CTDP1: variants seen among roughly 807,000 people sequenced by gnomAD.
The protein encoded by CTDP1 is CTD phosphatase 1, also known as RNA polymerase II subunit A C-terminal domain phosphatase.
In CTDP1, 47 loss-of-function variants were observed where a neutral mutation model predicts 91.8. That is an observed-to-expected ratio of 0.51 (90% CI 0.41 to 0.65). The LOEUF (loss-of-function observed/expected upper bound fraction) is 0.65. Among genes scored for constraint, CTDP1 ranks in the 30% least tolerant of loss-of-function variants. The probability of loss-of-function intolerance (pLI) is 0.00; values close to 1 mark genes in which losing one functional copy is unlikely to be tolerated. For synonymous variants in CTDP1, 656 were observed against 598.5 expected, an observed-to-expected ratio of 1.10 and a Z score of -1.40; for missense variants, 1,272 against 1,373.7, an observed-to-expected ratio of 0.93 and a Z score of 1.17.
chr18:79,698,153 G>T (rs1298769496), intron 4 of CTDP1, among the ~76,000 whole-genome samples, 165 bp downstream of exon 4: 1 of 152,258 alleles, frequency 6.6e-6, no homozygotes, highest in Non-Finnish European at 1.5e-5. Flanking sequence ...CTGCTGGGCT[G>T]TTGGGGAGCA....
chr18:79,740,664 C>T (rs935321954), intron 12 of CTDP1, among the ~76,000 whole-genome samples: 1 of 152,172 alleles, frequency 6.6e-6, no homozygotes, highest in Admixed American at 6.5e-5. Context: ...TTCGCATGGC[C>T]AAGCTGTTCC....
At chr18:79,741,697 C>T (rs144703391) in intron 12 of CTDP1, among the ~76,000 whole-genome samples, 328 of 152,332 alleles carry the variant, frequency 2.2e-3, no homozygotes, top group African/African-American at 7.0e-3. Flanking sequence ...GGTCAGCCTG[C>T]GTGGGAGACA....
intron 10 of CTDP1, among the ~76,000 whole-genome samples, chr18:79,723,081 C>A (rs1202838285): frequency 1.3e-5 from 2 of 152,230 alleles, no homozygotes; most frequent in Non-Finnish European, 2.9e-5. Flanking sequence ...CAGGACCACT[C>A]CACCTGTATA....
intron 12 of CTDP1, among the ~76,000 whole-genome samples, chr18:79,741,530 C>G (rs1301942024): frequency 6.6e-6 from 1 of 152,230 alleles, no homozygotes; most frequent in African/African-American, 2.4e-5. Flanking sequence ...TGATGGCTCC[C>G]TAAGTACTTG....
In CTDP1 at chr18:79,713,631, T is replaced by A. The variant is rs1420842677; in HGVS notation, c.1030+493T>A. The stretch of plus-strand genomic sequence containing the variant: ...CACCCTACGAAAGTTAAGTGTTTTT[T>A]GATCTTTAGTTTTTTGAAAAATATT... On this transcript the variant is annotated intron_variant, in intron 7 of 12. Coordinates refer to ENST00000613122, the MANE Select transcript of CTDP1 (RefSeq NM_004715.5). This position sits in a 1 kb window ranked among gnomAD's most constrained non-coding sequence, Gnocchi z 4.7. Among the ~76,000 whole-genome samples, 4 of 152,246 alleles carry A rather than the reference T, an allele frequency of 2.6e-5. No individual in the cohort carries two copies. The highest frequency in any genetic ancestry group is 4.4e-5 in the Non-Finnish European group (3 of 68,044).
intron 1 of CTDP1, among the ~76,000 whole-genome samples, chr18:79,690,461 G>GT (rs1450973549): frequency 6.6e-6 from 1 of 152,160 alleles, no homozygotes; most frequent in Non-Finnish European, 1.5e-5. Flanking sequence ...GTGTTTTTAC[G>GT]TTTGTGTATC....
intron 12 of CTDP1, among the ~76,000 whole-genome samples, chr18:79,740,589 A>G (rs915216731): frequency 2.0e-5 from 3 of 152,330 alleles, no homozygotes; most frequent in African/African-American, 7.2e-5. Context: ...TGCGTTTCGT[A>G]CAGAAGCTGG....
At position 79,714,725 on chromosome 18, in the gene CTDP1, C is replaced by G; in HGVS notation, c.1265C>G (p.Ala422Gly). 3.1e-6 allele frequency: 5 copies of G among 1,603,748 alleles called. No individual in the cohort carries two copies. Among genetic ancestry groups the G allele is most frequent in the Non-Finnish European group, 4.3e-6 (5 of 1,175,824 alleles). ...APTSSQELAG[A>G]PEPQGSCAQG... is the part of the protein sequence containing the mutation. ...ACCAGCAGCCAAGAGCTGGCAGGCG[C>G]TCCTGAGCCCCAGGGATCCTGTGCG... The change falls in exon 8 of 13, where the codon GCT (alanine) becomes GGT (glycine). Residue 422 changes from alanine (A) to glycine (G), a missense_variant. Transcript: ENST00000613122.
chr18:79,747,688 G>A (rs1167002575), intron 12 of CTDP1, among the ~76,000 whole-genome samples: 2 of 152,202 alleles, frequency 1.3e-5, no homozygotes, highest in Admixed American at 6.5e-5. Flanking sequence ...CATGCGCAGC[G>A]CCTCCTGCAG....
intron 1 of CTDP1, among the ~76,000 whole-genome samples, chr18:79,686,785 T>C (rs2085503289): frequency 1.3e-5 from 2 of 152,206 alleles, no homozygotes; most frequent in South Asian, 2.1e-4. Context: ...AGTTCACTGG[T>C]GGGCCTGCAC....
At chr18:79,725,343 C>T (rs545966027) in intron 10 of CTDP1, among the ~76,000 whole-genome samples, 1 of 152,298 alleles carries the variant, frequency 6.6e-6, no homozygotes, top group South Asian at 2.1e-4. Flanking sequence ...CTTGCCCCTT[C>T]CTTTCACATA....
At chr18:79,747,146 A>G (rs2086898036) in intron 12 of CTDP1, among the ~76,000 whole-genome samples, 1 of 152,192 alleles carries the variant, frequency 6.6e-6, no homozygotes, top group Non-Finnish European at 1.5e-5. Context: ...TACACGAAGC[A>G]GCAATTCTTA....
rs184303749 is a variant in CTDP1, at chr18:79,693,500, T to C, written c.315-1725T>C. Among the ~76,000 whole-genome samples, 1,248 of 152,100 alleles carry C rather than the reference T, an allele frequency of 8.2e-3. 14 individuals carry two copies. Among genetic ancestry groups the C allele is most frequent in the African/African-American group, 0.028 (1,178 of 41,470 alleles). ...TATCCAAACTGCTTGGAAACAGAAG[T>C]GTTTTGGATTTCTGGGTTTTTTTGG... is the stretch of plus-strand genomic sequence containing the variant. On this transcript the variant is annotated intron_variant, in intron 1 of 12. Coordinates refer to ENST00000613122, the MANE Select transcript of CTDP1 (RefSeq NM_004715.5).
At chr18:79,688,968 T>G (rs1235476660) in intron 1 of CTDP1, among the ~76,000 whole-genome samples, 2 of 152,260 alleles carry the variant, frequency 1.3e-5, no homozygotes, top group African/African-American at 4.8e-5. Context: ...TCTTTCCCCA[T>G]GCACACGCAC....
intron 1 of CTDP1, among the ~76,000 whole-genome samples, chr18:79,682,824 C>T (rs1355687040): frequency 6.6e-6 from 1 of 152,098 alleles, no homozygotes; most frequent in Non-Finnish European, 1.5e-5. Flanking sequence ...TAGATTGTGC[C>T]GCTTTGTGAT....
rs111243308 is a variant in CTDP1, at chr18:79,692,863, C to T, written c.315-2362C>T. Reference sequence around the variant, plus strand: ...CAGAAGGCTGATTGCAAAATGATGTCAGCTGGAGACCAGGGAAGCCTGTTA... The same window carrying T: ...CAGAAGGCTGATTGCAAAATGATGTTAGCTGGAGACCAGGGAAGCCTGTTA... On this transcript the variant is annotated intron_variant, in intron 1 of 12. Transcript: ENST00000613122. 4.4e-3 allele frequency among the ~76,000 whole-genome samples: 672 copies of T among 152,376 alleles called. 3 individuals carry two copies. Among genetic ancestry groups the T allele is most frequent in the African/African-American group, 0.015 (606 of 41,582 alleles).
intron 5 of CTDP1, among the ~76,000 whole-genome samples, chr18:79,707,927 G>T (rs551374934): frequency 6.6e-6 from 1 of 152,222 alleles, no homozygotes; most frequent in Admixed American, 6.5e-5. Flanking sequence ...AAGAGTTTGC[G>T]ATGCGTGTCT....
chr18:79,729,107 T>C, intron 11 of CTDP1, 38 bp downstream of exon 11: 1 of 1,611,082 alleles, frequency 6.2e-7, no homozygotes, highest in South Asian at 1.1e-5. Context: ...GCGCCAGCGC[T>C]CGTGCTGGGG....
chr18:79,684,300 T>C (rs1454145615), intron 1 of CTDP1, among the ~76,000 whole-genome samples: 1 of 152,208 alleles, frequency 6.6e-6, no homozygotes, highest in African/African-American at 2.4e-5. Flanking sequence ...GTCTAAACAG[T>C]TCTTTATAGC....
Sources: gnomAD v4.1 joint callset for allele counts (sites outside exome capture counted in the v4.1 genomes callset) on GRCh38, gnomAD v4.1.1 for gene constraint, Gnocchi (gnomAD v3.1) non-coding constraint, MANE v1.5 for transcripts, NCBI Gene and HGNC (gene_info 2026-07-23, HGNC 2026-07-21) for gene names.